PLXNA4: variants seen among roughly 807,000 people sequenced by gnomAD.
PLXNA4 encodes plexin-A4.
A neutral mutation model predicts 191.8 loss-of-function variants in PLXNA4; 44 were observed. The ratio of observed to expected loss-of-function variants is 0.23; its 90% confidence interval spans 0.18 to 0.29. The LOEUF (loss-of-function observed/expected upper bound fraction) is 0.29. Ranked by LOEUF, PLXNA4 falls within the 10% of genes least tolerant of loss-of-function variation. The pLI, the probability that PLXNA4 is intolerant of heterozygous loss-of-function variation, is 1.00. For synonymous variants in PLXNA4, 1,082 were observed against 1,009.5 expected, an observed-to-expected ratio of 1.07 and a Z score of -1.36; for missense variants, 1,800 against 2,488.8, an observed-to-expected ratio of 0.72 and a Z score of 5.89.
intron 7 of PLXNA4, among the ~76,000 whole-genome samples, chr7:132,227,060 A>T (rs1402409852): frequency 6.6e-6 from 1 of 152,214 alleles, no homozygotes; most frequent in Non-Finnish European, 1.5e-5. Flanking sequence ...GTCCAGGGTC[A>T]GAGATCGGCC....
intron 2 of PLXNA4, among the ~76,000 whole-genome samples, chr7:132,641,493 C>A (rs570865925): frequency 2.0e-5 from 3 of 152,252 alleles, no homozygotes; most frequent in African/African-American, 7.2e-5. Flanking sequence ...TTAATTACCT[C>A]CCTCAAAGGC....
intron 4 of PLXNA4, among the ~76,000 whole-genome samples, chr7:132,242,188 T>C (rs755838177): frequency 5.0e-4 from 76 of 151,952 alleles, no homozygotes; most frequent in Non-Finnish European, 7.4e-4. Flanking sequence ...CCTCTTCCAG[T>C]TGGGATACCT....
rs538941860 is a variant in PLXNA4 at position 132,347,934 on chromosome 7, A to C, written c.1372-49712T>G. On this transcript the variant is annotated intron_variant, in intron 3 of 31. Transcript: ENST00000321063. ...TTCCCTGCAGAGAGGCATGGGCACT[A>C]TGGTTTGAGCACCTTTCCAGGGATG... Among the ~76,000 whole-genome samples the C allele has an allele frequency of 5.9e-5, 9 of 152,258 alleles. No homozygotes were observed. The East Asian group carries it at 1.5e-3, about 26-fold the overall frequency.
At chr7:132,292,779 G>A (rs1369169309) in intron 4 of PLXNA4, among the ~76,000 whole-genome samples, 1 of 152,184 alleles carries the variant, frequency 6.6e-6, no homozygotes, top group East Asian at 1.9e-4. Flanking sequence ...GGCAGCAGAA[G>A]GGAGTAAACA....
chr7:132,512,936 C>A (rs2116300076), intron 1 of PLXNA4, among the ~76,000 whole-genome samples: 1 of 152,324 alleles, frequency 6.6e-6, no homozygotes, highest in South Asian at 2.1e-4. Flanking sequence ...TTCTTAAAGG[C>A]AAGTAATGGG....
rs1431630788 is a variant in PLXNA4 at position 132,530,946 on chromosome 7, A to T, written c.-86-22167T>A. On this transcript the variant is annotated intron_variant, in intron 1 of 31. Transcript: ENST00000321063. ...ATGTCTAAATGAATGAACCTTAAAA[A>T]TATTATGCTAAGTGAAATAAGCCAG... Among the ~76,000 whole-genome samples, 8 of 152,386 alleles carry T rather than the reference A, an allele frequency of 5.2e-5. No homozygotes were observed. The South Asian group carries it at 1.2e-3, about 24-fold the overall frequency.
intron 8 of PLXNA4, among the ~76,000 whole-genome samples, chr7:132,225,178 T>A (rs1354437051): frequency 6.6e-6 from 1 of 152,232 alleles, no homozygotes; most frequent in East Asian, 1.9e-4. Flanking sequence ...ATTCACAACC[T>A]GGTCCAACCC....
intron 5 of PLXNA4, among the ~76,000 whole-genome samples, chr7:132,232,277 C>G (rs1236620820): frequency 1.3e-5 from 2 of 152,144 alleles, no homozygotes; most frequent in Admixed American, 1.3e-4. Flanking sequence ...GTACAGGCCC[C>G]TTGACATGAA....
intron 2 of PLXNA4, among the ~76,000 whole-genome samples, chr7:132,617,964 G>A (rs951384128): frequency 1.3e-5 from 2 of 152,166 alleles, no homozygotes; most frequent in South Asian, 2.1e-4. Context: ...CACTATGTAA[G>A]GTGGCTGCTC....
intron 3 of PLXNA4, among the ~76,000 whole-genome samples, chr7:132,482,080 G>A (rs967939034): frequency 3.9e-5 from 6 of 152,136 alleles, no homozygotes; most frequent in Non-Finnish European, 8.8e-5. Flanking sequence ...TCCCCTCAAT[G>A]GCTGAGAAAC....
chr7:132,197,022 C>T (rs1417536664), intron 13 of PLXNA4, among the ~76,000 whole-genome samples: 4 of 152,142 alleles, frequency 2.6e-5, no homozygotes, highest in African/African-American at 9.6e-5. Flanking sequence ...TTTTATTTTG[C>T]TTGCAATGAT....
intron 13 of PLXNA4, among the ~76,000 whole-genome samples, chr7:132,194,495 A>C (rs2116824371): frequency 6.6e-6 from 1 of 152,310 alleles, no homozygotes; most frequent in South Asian, 2.1e-4. Context: ...TGTTCTAGCC[A>C]AAACCCTTAG....
At chr7:132,349,009 G>A (rs1307547435) in intron 3 of PLXNA4, among the ~76,000 whole-genome samples, 2 of 152,016 alleles carry the variant, frequency 1.3e-5, no homozygotes, top group South Asian at 2.1e-4. Flanking sequence ...CCCTTTATAC[G>A]CCTCCCCACC....
chr7:132,135,567 A>AAAAC (rs1283439131), intron 30 of PLXNA4, among the ~76,000 whole-genome samples: 1 of 152,194 alleles, frequency 6.6e-6, no homozygotes, highest in African/African-American at 2.4e-5. Flanking sequence ...ACTAGGGAAA[A>AAAAC]AAACAGAAGC....
At chr7:132,643,297 C>A (rs1002161884) in intron 2 of PLXNA4, among the ~76,000 whole-genome samples, 1 of 152,122 alleles carries the variant, frequency 6.6e-6, no homozygotes, top group Non-Finnish European at 1.5e-5. Context: ...ATCATAAACT[C>A]CTCAAGGGCA....
At chr7:132,550,324 C>A (rs894093220) in intron 1 of PLXNA4, among the ~76,000 whole-genome samples, 2 of 152,130 alleles carry the variant, frequency 1.3e-5, no homozygotes, top group Admixed American at 1.3e-4. Context: ...ACAGTGGCTA[C>A]CTTTTGAAGA....
chr7:132,372,831 T>C (rs570825921), intron 3 of PLXNA4, among the ~76,000 whole-genome samples: 119 of 152,306 alleles, frequency 7.8e-4, no homozygotes, highest in Middle Eastern at 6.8e-3. Context: ...CTTTCTCACC[T>C]ATAAATAAGG....
At chr7:132,481,506 AC>A (rs1228707598) in intron 3 of PLXNA4, among the ~76,000 whole-genome samples, 5 of 150,622 alleles carry the variant, frequency 3.3e-5, no homozygotes, top group Admixed American at 6.6e-5. Flanking sequence ...TGTAACATTT[AC>A]CCCACCCCCA....
At chr7:132,181,736 T>C in intron 17 of PLXNA4, 116 bp from the exon 18 acceptor site, 1 of 1,478,022 alleles carries the variant, frequency 6.8e-7, no homozygotes, top group Non-Finnish European at 9.0e-7. Context: ...GACAAGAGGA[T>C]TAGAGATGAG....
Sources: allele counts gnomAD v4.1 joint callset (sites outside exome capture counted in the v4.1 genomes callset), GRCh38; gene constraint gnomAD v4.1.1; transcripts MANE v1.5; gene names NCBI Gene and HGNC (gene_info 2026-07-23, HGNC 2026-07-21).